The following CADPS variants were observed in gnomAD, a reference collection of about 807,000 sequenced individuals.
CADPS encodes the protein calcium-dependent secretion activator 1.
A neutral mutation model predicts 167.3 loss-of-function variants in CADPS; 57 were observed. The observed-to-expected ratio is 0.34, with a 90% confidence interval of 0.28 to 0.42. CADPS has a LOEUF of 0.42. Among genes scored for constraint, CADPS ranks in the 20% least tolerant of loss-of-function variants. CADPS has a pLI of 1.00. For missense variants in CADPS, 1,414 were observed against 1,738.1 expected (o/e 0.81, Z 3.32); for synonymous variants, 676 against 635.3 (o/e 1.06, Z -0.96).
At chr3:62,855,943 A>G (rs2153141736) in intron 1 of CADPS, among the ~76,000 whole-genome samples, 1 of 152,304 alleles carries the variant, frequency 6.6e-6, no homozygotes, top group East Asian at 1.9e-4. Context: ...ATATTTTTAG[A>G]CAGAATTGAA....
At chr3:62,772,712 C>A (rs2089222595) in intron 1 of CADPS, among the ~76,000 whole-genome samples, 1 of 152,118 alleles carries the variant, frequency 6.6e-6, no homozygotes, top group South Asian at 2.1e-4. Flanking sequence ...TTACAATAGT[C>A]ATGGAAGAAG....
At chr3:62,498,821 G>A (rs1039109441) in intron 18 of CADPS, among the ~76,000 whole-genome samples, 2 of 151,728 alleles carry the variant, frequency 1.3e-5, no homozygotes, top group Non-Finnish European at 2.9e-5. Context: ...AACAGTGGTG[G>A]CAACAAAAAC....
intron 1 of CADPS, among the ~76,000 whole-genome samples, chr3:62,774,145 A>G (rs554078160): frequency 6.6e-6 from 1 of 152,140 alleles, no homozygotes; most frequent in Non-Finnish European, 1.5e-5. Flanking sequence ...TGGATTGAAG[A>G]TCAAAAGAGA....
At chr3:62,730,036 T>C (rs1564409232) in intron 3 of CADPS, among the ~76,000 whole-genome samples, 1 of 152,060 alleles carries the variant, frequency 6.6e-6, no homozygotes, top group South Asian at 2.1e-4. Flanking sequence ...ATTCATGATA[T>C]TGGATACATT....
chr3:62,496,763 T>C (rs957063571), intron 18 of CADPS, among the ~76,000 whole-genome samples: 1 of 152,206 alleles, frequency 6.6e-6, no homozygotes, highest in East Asian at 1.9e-4. Context: ...CCCTGCGTTC[T>C]ATTGCTTGAA....
chr3:62,650,727 C>T (rs961575491), intron 5 of CADPS, 120 bp downstream of exon 5: 25 of 676,396 alleles, frequency 3.7e-5, no homozygotes, highest in Non-Finnish European at 5.9e-5. Context: ...GCTTAGCATG[C>T]TGTTATTTTA....
intron 6 of CADPS, among the ~76,000 whole-genome samples, chr3:62,644,013 C>A (rs533923305): frequency 6.6e-6 from 1 of 152,264 alleles, no homozygotes; most frequent in South Asian, 2.1e-4. Context: ...TTTCCATTTC[C>A]TCTTGTACAC....
intron 26 of CADPS, among the ~76,000 whole-genome samples, chr3:62,463,075 CTG>C (rs1311479477): frequency 6.6e-6 from 1 of 152,202 alleles, no homozygotes; most frequent in Non-Finnish European, 1.5e-5. Flanking sequence ...GCTAGGCATG[CTG>C]TGAGGCTGCA....
At chr3:62,692,899 T>G (rs908409187) in intron 3 of CADPS, among the ~76,000 whole-genome samples, 2 of 152,058 alleles carry the variant, frequency 1.3e-5, no homozygotes, top group Admixed American at 6.5e-5. Flanking sequence ...TCCAGGTCTC[T>G]TCTCATCTGT....
chr3:62,826,553 G>A (rs1433312843), intron 1 of CADPS, among the ~76,000 whole-genome samples: 1 of 152,126 alleles, frequency 6.6e-6, no homozygotes, highest in East Asian at 1.9e-4. Context: ...GCAGAAAGTG[G>A]TCTGGGAAAA....
chr3:62,674,183 T>TA (rs1477836542), intron 3 of CADPS, among the ~76,000 whole-genome samples: 1 of 152,140 alleles, frequency 6.6e-6, no homozygotes, highest in Admixed American at 6.6e-5. Context: ...GCTCAAGTAG[T>TA]AAAAAACATT....
intron 26 of CADPS, among the ~76,000 whole-genome samples, chr3:62,450,420 G>A (rs1457373582): frequency 6.6e-6 from 1 of 152,218 alleles, no homozygotes; most frequent in African/African-American, 2.4e-5. Context: ...ACAAAGGGGA[G>A]GGGGTAGGGC....
intron 13 of CADPS, among the ~76,000 whole-genome samples, chr3:62,522,874 T>C (rs2071052216): frequency 6.6e-6 from 1 of 152,128 alleles, no homozygotes; most frequent in Non-Finnish European, 1.5e-5. Flanking sequence ...TTTGGAGCCG[T>C]GCTGAAGCCT....
At chr3:62,634,908 G>A (rs2065974755) in intron 6 of CADPS, among the ~76,000 whole-genome samples, 1 of 152,108 alleles carries the variant, frequency 6.6e-6, no homozygotes, top group African/African-American at 2.4e-5. Context: ...ATGAAGGAAG[G>A]GCTGACCAAA....
rs145452488 is a variant in CADPS at position 62,797,835 on chromosome 3, G to T, written c.442-31851C>A. Among the ~76,000 whole-genome samples, 1,486 of 151,990 alleles carry T rather than the reference G, an allele frequency of 9.8e-3. 24 individuals are homozygous for T. The highest frequency in any genetic ancestry group is 0.033 in the African/African-American group (1,380 of 41,474). On this transcript the variant is annotated intron_variant, in intron 1 of 29. Coordinates refer to ENST00000383710, the MANE Select transcript of CADPS (RefSeq NM_003716.4). ...CTGAAAAGTTAAAAAAAGAAAAAAA[G>T]AAAAATAAAAGGTTTCCTGAAAGTA...
chr3:62,749,868 G>C (rs1002059738), intron 3 of CADPS, among the ~76,000 whole-genome samples: 1 of 152,224 alleles, frequency 6.6e-6, no homozygotes, highest in Non-Finnish European at 1.5e-5. Context: ...GCCTCAGTGC[G>C]TCAGGGCACT....
intron 13 of CADPS, among the ~76,000 whole-genome samples, chr3:62,527,623 C>T (rs964770642): frequency 1.3e-5 from 2 of 152,166 alleles, no homozygotes; most frequent in African/African-American, 2.4e-5. Flanking sequence ...CATAGTTTTT[C>T]ACGGAGATGG....
intron 3 of CADPS, among the ~76,000 whole-genome samples, chr3:62,662,660 G>A (rs2073537337): frequency 6.6e-6 from 1 of 152,218 alleles, no homozygotes; most frequent in Non-Finnish European, 1.5e-5. Flanking sequence ...TTGGGCAGCA[G>A]TGTTTCTAAT....
At chr3:62,696,140 C>T (rs554938675) in intron 3 of CADPS, among the ~76,000 whole-genome samples, 8 of 152,170 alleles carry the variant, frequency 5.3e-5, no homozygotes, top group African/African-American at 4.8e-5. Context: ...TACTCTCCCT[C>T]AGCTACAAAC....
Sources: gnomAD v4.1 joint callset for allele counts (sites outside exome capture counted in the v4.1 genomes callset) on GRCh38, gnomAD v4.1.1 for gene constraint, MANE v1.5 for transcripts, NCBI Gene and HGNC (gene_info 2026-07-23, HGNC 2026-07-21) for gene names.